Variants in HK3 observed in about 807,000 individuals in gnomAD.
HK3 encodes the protein hexokinase 3, also known as hexokinase-3.
A neutral mutation model predicts 91.0 loss-of-function variants in HK3; 93 were observed. The observed-to-expected ratio is 1.02, with a 90% CI of 0.86 to 1.21. The LOEUF (loss-of-function observed/expected upper bound fraction) is 1.21, where lower values mean the gene tolerates loss of function less well. Among genes scored for constraint, HK3 ranks in the 50% most tolerant of loss-of-function variants. The pLI is 0.00. For synonymous variants in HK3, 519 were observed against 516.9 expected (o/e 1.00, Z -0.06); for missense variants, 1,235 against 1,247.4 (o/e 0.99, Z 0.15).
In HK3 at chr5:176,887,593, G is replaced by A. The variant is rs181017028; in HGVS notation, c.1458C>T (p.Thr486=). ...LAAHRRLLEE[T]LAPFRLNHDQ... ...CATGGTTCAACCGGAATGGGGCCAG[G>A]GTCTCCTCCAGCAGGCGCCGGTGGG... The change falls in exon 11 of 19, where the codon ACC becomes ACT. Residue 486 remains threonine, a synonymous_variant. Transcript: ENST00000292432. The surrounding 1 kb of genome is among the most constrained non-coding windows in gnomAD (Gnocchi z 4.9). 5.6e-6 allele frequency: 9 copies of A among 1,613,860 alleles called. No homozygotes were observed. The Admixed American group carries it at 8.3e-5, about 15-fold the overall frequency.
intron 6 of HK3, 64 bp downstream of exon 6, chr5:176,890,571 A>C: frequency 7.2e-7 from 1 of 1,391,512 alleles, no homozygotes; most frequent in Non-Finnish European, 1.0e-6. Flanking sequence ...GCCCAGACCC[A>C]ACGCATGTGT....
chr5:176,893,417 A>C (rs1758826829), intron 2 of HK3, among the ~76,000 whole-genome samples: 1 of 152,144 alleles, frequency 6.6e-6, no homozygotes, highest in Non-Finnish European at 1.5e-5. Flanking sequence ...TGGGAAAGTC[A>C]CACCTCTCTC....
chr5:176,887,835 A>C lies in HK3; in HGVS notation c.1305-89T>G, dbSNP rs762141439. ...GGCTTGGCCCTGGACCCCCAGATACATACAGGTGTGCCCAGCTTGGCCCCA... is the reference window on the plus strand; with the variant it reads ...GGCTTGGCCCTGGACCCCCAGATACCTACAGGTGTGCCCAGCTTGGCCCCA... On this transcript the variant is annotated intron_variant, in intron 10 of 18. Coordinates refer to ENST00000292432, the MANE Select transcript of HK3 (RefSeq NM_002115.3). This position sits in a 1 kb window ranked among gnomAD's most constrained non-coding sequence, Gnocchi z 4.9. 1 of 1,397,130 alleles carries C rather than the reference A, an allele frequency of 7.2e-7. No individual in the cohort carries two copies. The highest frequency in any genetic ancestry group is 9.8e-7 in the Non-Finnish European group (1 of 1,025,014). The allele number at this position is 1,397,130 out of a possible 1,614,324, so 86.5% of individuals were successfully genotyped here. A position where few individuals can be genotyped will look rare whatever the true frequency, so the allele number is the denominator to read the frequency against.
At chr5:176,891,632 G>T in intron 2 of HK3, 82 bp from the exon 3 acceptor site, 2 of 1,367,594 alleles carry the variant, frequency 1.5e-6, no homozygotes, top group Non-Finnish European at 2.0e-6. Context: ...GCAGAGGCCT[G>T]CCCTGCCCAG....
Position 176,884,729 on chromosome 5 carries a change from G to A in HK3, c.1858-595C>T, listed in dbSNP as rs145267347. ...AAAAGGGACTTAAACTTAGTGACAC[G>A]GGGCTCAACTTTACCTGGAAAGGAA... On this transcript the variant is annotated intron_variant, in intron 13 of 18. Coordinates refer to ENST00000292432, the MANE Select transcript of HK3 (RefSeq NM_002115.3). This position sits in a 1 kb window ranked among gnomAD's most constrained non-coding sequence, Gnocchi z 4.1. Among the ~76,000 whole-genome samples, 118 of 152,286 alleles carry A rather than the reference G, an allele frequency of 7.7e-4. 1 individual carries two copies. The highest frequency in any genetic ancestry group is 5.6e-3 in the East Asian group (29 of 5,186).
At chr5:176,899,124 G>C (rs1758979936) in intron 1 of HK3, 143 bp downstream of exon 1, 1 of 152,274 alleles carries the variant, frequency 6.6e-6, no homozygotes, top group Admixed American at 6.5e-5. Context: ...GATAGAGAGA[G>C]AGACCCCATC....
In HK3 at chr5:176,887,697, C is replaced by T. The variant is rs759805673; in HGVS notation, c.1354G>A (p.Asp452Asn). ...TCCACAGAGGGGATTAAGGAGACATCGCATTCCGGGGCCAGGAGCATCACT... is the reference window on the plus strand; with the variant it reads ...TCCACAGAGGGGATTAAGGAGACATTGCATTCCGGGGCCAGGAGCATCACT... ...GTVMLLAPEC[D>N]VSLIPSVDGG... The change falls in exon 11 of 19, where the codon GAT becomes AAT. Residue 452 changes from aspartate (D) to asparagine (N), a missense_variant. By Grantham distance (23) the Asp-to-Asn change is conservative. Coordinates refer to ENST00000292432, the MANE Select transcript of HK3 (RefSeq NM_002115.3). This position sits in a 1 kb window ranked among gnomAD's most constrained non-coding sequence, Gnocchi z 4.9. The T allele has an allele frequency of 8.1e-6, 13 of 1,613,106 alleles. No homozygotes were observed. The highest frequency in any genetic ancestry group is 3.3e-5 in the South Asian group (3 of 91,054).
Position 176,881,771 on chromosome 5 carries a change from C to A in HK3, c.2314G>T (p.Val772Phe). The A allele has an allele frequency of 6.2e-7, 1 of 1,614,178 alleles. No homozygotes were observed. Among genetic ancestry groups the A allele is most frequent in the South Asian group, 1.1e-5 (1 of 91,086 alleles). The change falls in exon 17 of 19, where the codon GTT becomes TTT. Residue 772 changes from valine (V) to phenylalanine (F), a missense_variant. By Grantham distance (50) the Val-to-Phe change is conservative. Coordinates refer to ENST00000292432, the MANE Select transcript of HK3 (RefSeq NM_002115.3). Reference sequence around the variant, plus strand: ...TGGATCTGCTGGCCCCGGAAGAGAACGCCAAGGCTGGTTAAATGTAAAAGG... The same window carrying A: ...TGGATCTGCTGGCCCCGGAAGAGAAAGCCAAGGCTGGTTAAATGTAAAAGG... ...HILLHLTSLG[V>F]LFRGQQIQRL...
At chr5:176,881,870 G>A (rs201034061) in intron 16 of HK3, 23 bp from the exon 17 acceptor site, 32 of 1,523,536 alleles carry the variant, frequency 2.1e-5, no homozygotes, top group Non-Finnish European at 2.2e-5. Flanking sequence ...GTGTGCACTC[G>A]GCAGAAGGCC....
rs1561684043 is a variant in HK3, at chr5:176,890,945, C to T, written c.415-4G>A. The stretch of plus-strand genomic sequence containing the variant: ...AGTGGGCAGCAAAGTCAAAGAGCTG[C>T]AGGAGAAGTGGGGGGGCTCAGCCTT... On this transcript the variant is annotated splice_polypyrimidine_tract_variant and splice_region_variant and intron_variant, in intron 4 of 18. Coordinates refer to ENST00000292432, the MANE Select transcript of HK3 (RefSeq NM_002115.3). 3 of 1,613,914 alleles carry T rather than the reference C, an allele frequency of 1.9e-6. No individual in the cohort carries two copies.
At chr5:176,896,280 C>T in intron 1 of HK3, 95 bp from the exon 2 acceptor site, 1 of 562,530 alleles carries the variant, frequency 1.8e-6, no homozygotes, top group South Asian at 3.0e-5. Flanking sequence ...TGAAGGGGAC[C>T]AGGAAGGAAG....
At chr5:176,898,932 A>G (rs1758973756) in intron 1 of HK3, among the ~76,000 whole-genome samples, 1 of 152,180 alleles carries the variant, frequency 6.6e-6, no homozygotes, top group Non-Finnish European at 1.5e-5. Flanking sequence ...CAGGAATGTG[A>G]GACTAGCCTG....
chr5:176,897,863 A>C (rs1467088241), intron 1 of HK3, among the ~76,000 whole-genome samples: 1 of 152,150 alleles, frequency 6.6e-6, no homozygotes, highest in Non-Finnish European at 1.5e-5. Context: ...GCCAAATCCT[A>C]AATCCCAGTG....
At position 176,897,320 on chromosome 5, in the gene HK3, T is replaced by C. The variant is rs79224955; in HGVS notation, c.-26-1135A>G. Among the ~76,000 whole-genome samples the C allele has an allele frequency of 3.9e-3, 597 of 152,278 alleles. 6 individuals carry two copies. Among genetic ancestry groups the C allele is most frequent in the Non-Finnish European group, 5.6e-3 (380 of 68,006 alleles). ...GCTGGAGGTGGTATTGCTGTTTCCA[T>C]AGTCCCAAGGGAGCCCTCAGTGAGT... is the stretch of plus-strand genomic sequence containing the variant. On this transcript the variant is annotated intron_variant, in intron 1 of 18. Transcript: ENST00000292432.
Position 176,882,055 on chromosome 5 carries a change from A to G in HK3, c.2126T>C (p.Met709Thr). 6.2e-7 allele frequency: 1 copy of G among 1,613,064 alleles called. No individual in the cohort carries two copies. The highest frequency in any genetic ancestry group is 1.1e-5 in the South Asian group (1 of 91,078). ...GGCGCCCCACTCCATGTTGATGCAC[A>G]TGCGGCCTGAGTCCCCAGGCACGCC... Reference protein sequence around the residue: ...VAGVPGDSGRMCINMEWGAFG... With the variant: ...VAGVPGDSGRTCINMEWGAFG... The change falls in exon 16 of 19, where the codon ATG (methionine) becomes ACG (threonine). Residue 709 changes from methionine to threonine, a missense_variant. Met to Thr is a moderately conservative substitution (Grantham distance 81). This residue lies in a region of HK3 where 513 missense variants were observed against 477.4 expected (regional missense o/e 1.07). Transcript: ENST00000292432.
Position 176,889,548 on chromosome 5 carries a change from C to G in HK3, c.747G>C (p.Ala249=), listed in dbSNP as rs138713473. The G allele has an allele frequency of 1.6e-5, 26 of 1,614,080 alleles. No individual in the cohort carries two copies. Among genetic ancestry groups the G allele is most frequent in the Middle Eastern group, 1.6e-4 (1 of 6,084 alleles). Reference sequence around the variant, plus strand: ...CATGCCGTGCCTCCTCCATGTAACACGCGTTGGTGCCCGTGTCTGGCAGAG... The same window carrying G: ...CATGCCGTGCCTCCTCCATGTAACAGGCGTTGGTGCCCGTGTCTGGCAGAG... ...VGLVVDTGTN[A]CYMEEARHVA... Residue 249 remains alanine, a synonymous_variant, in exon 8 of 19, where the codon GCG becomes GCC. Coordinates refer to ENST00000292432, the MANE Select transcript of HK3 (RefSeq NM_002115.3).
At chr5:176,892,370 G>A (rs941801471) in intron 2 of HK3, among the ~76,000 whole-genome samples, 1 of 152,196 alleles carries the variant, frequency 6.6e-6, no homozygotes, top group Non-Finnish European at 1.5e-5. Flanking sequence ...AGATCCAGGG[G>A]AAGAGCAAGG....
In HK3 at chr5:176,888,378, G is replaced by A. The variant is rs754776650; in HGVS notation, c.1258C>T (p.Gln420Ter). Residue 420 changes from glutamine (Q) to a stop codon, truncating the protein, a stop_gained, in exon 10 of 19, where the codon CAG becomes TAG. Coordinates refer to ENST00000292432, the MANE Select transcript of HK3 (RefSeq NM_002115.3). LOFTEE classifies it high-confidence loss of function. ...CGGCCTCCGGTGGCCACAGCAACCT[G>A]GAGTGTTTGTTGCTCCCGGCTGTGC... is the stretch of plus-strand genomic sequence containing the variant. Reference protein sequence around the residue: ...LQHSREQQTLQVAVATGGRVC... With the variant: ...LQHSREQQTL The A allele has an allele frequency of 1.3e-6, 2 of 1,563,254 alleles. No individual in the cohort carries two copies. The highest frequency in any genetic ancestry group is 1.7e-6 in the Non-Finnish European group (2 of 1,153,216).
intron 15 of HK3, 152 bp from the exon 16 acceptor site, chr5:176,882,279 C>T (rs772679525): frequency 2.9e-5 from 23 of 800,160 alleles, no homozygotes; most frequent in South Asian, 5.2e-5. Flanking sequence ...TCTTCCTTCC[C>T]GACATCCCTC....
Sources: gnomAD v4.1 joint callset for allele counts (sites outside exome capture counted in the v4.1 genomes callset) on GRCh38, gnomAD v4.1.1 for gene constraint, gnomAD v4.1.1 regional missense constraint, Gnocchi (gnomAD v3.1) non-coding constraint, MANE v1.5 for transcripts, NCBI Gene and HGNC (gene_info 2026-07-23, HGNC 2026-07-21) for gene names.